GRIPAP1: variants seen among roughly 807,000 people sequenced by gnomAD.
The protein encoded by GRIPAP1 is GRIP1-associated protein 1.
In GRIPAP1, 14 loss-of-function variants were observed where a neutral mutation model predicts 84.1. That is an observed-to-expected ratio of 0.17 (90% CI 0.11 to 0.26). GRIPAP1 has a LOEUF of 0.26. GRIPAP1 is among the 10% of genes least tolerant of loss of function. The pLI is 1.00. For missense variants in GRIPAP1, 518 were observed against 674.2 expected, an observed-to-expected ratio of 0.77 and a Z score of 2.57; for synonymous variants, 261 against 256.8, an observed-to-expected ratio of 1.02 and a Z score of -0.15.
chrX:48,981,029 T>C (rs781922040), intron 21 of GRIPAP1, among the ~76,000 whole-genome samples, 186 bp downstream of exon 21: 5 of 109,846 alleles, frequency 4.6e-5, no homozygotes, highest in South Asian at 7.7e-4. Context: ...GAGAGAAAGA[T>C]AGAAATAAAG....
Position 48,974,247 on chromosome X carries a change from G to C in GRIPAP1, c.2472C>G (p.Ser824Arg). Residue 824 changes from serine (S) to arginine (R), a missense_variant, in exon 26 of 26, where the codon AGC becomes AGG. Ser to Arg is a moderately radical substitution (Grantham distance 110). Around this residue, in one of 5 missense-constraint regions of GRIPAP1, gnomAD observed 30 missense variants for 23.8 expected, o/e 1.26. Coordinates refer to ENST00000376423, the MANE Select transcript of GRIPAP1 (RefSeq NM_020137.5). ...GGTCAGGAGGCCCCACGCACTCCTT[G>C]CTGAGCCGCACAATTTCCTGGGACA... ...EVLSQEIVRL[S>R]KECVGPPDPD... The C allele has an allele frequency of 8.3e-6, 10 of 1,207,930 alleles. No homozygotes were observed. The highest frequency in any genetic ancestry group is 1.1e-5 in the Non-Finnish European group (10 of 892,147).
intron 19 of GRIPAP1, 35 bp from the exon 20 acceptor site, chrX:48,981,507 G>A (rs1298351320): frequency 2.5e-6 from 3 of 1,188,351 alleles, no homozygotes; most frequent in Middle Eastern, 2.3e-4. Flanking sequence ...GGTAGATGCC[G>A]GAAGGGCTGC....
intron 6 of GRIPAP1, 70 bp downstream of exon 6, chrX:48,993,358 G>A (rs924068190): frequency 2.1e-6 from 2 of 966,971 alleles, no homozygotes; most frequent in African/African-American, 4.0e-5. Context: ...CTTCCCCTGA[G>A]AGGATGACGG....
intron 11 of GRIPAP1, chrX:48,988,478 TAAG>T: frequency 3.0e-6 from 1 of 338,096 alleles, no homozygotes; most frequent in East Asian, 4.9e-5. Context: ...CTCCCATCCA[TAAG>T]AAGTCTCATG....
At chrX:49,001,543 G>A (rs1030464284) in intron 1 of GRIPAP1, among the ~76,000 whole-genome samples, 2 of 109,811 alleles carry the variant, frequency 1.8e-5, no homozygotes, top group African/African-American at 6.6e-5. Context: ...CCCAGTTAAT[G>A]GGATTAATGG....
At chrX:48,988,263 ACT>A (rs1157443684) in intron 11 of GRIPAP1, 65 bp from the exon 12 acceptor site, 2 of 812,940 alleles carry the variant, frequency 2.5e-6, no homozygotes, top group South Asian at 2.2e-5. Context: ...AACCGTACAG[ACT>A]CTCTGTTTGA....
rs192116767 is a variant in GRIPAP1, at chrX:48,994,518, C to G, written c.307-940G>C. 8.0e-3 allele frequency among the ~76,000 whole-genome samples: 890 copies of G among 111,597 alleles called. 7 individuals carry two copies. Among genetic ancestry groups the G allele is most frequent in the African/African-American group, 0.027 (828 of 30,696 alleles). ...GGATTACAGGCATGAGCCACCGCAC[C>G]CGGCCTGCTTGCAATATTTTCTACC... On this transcript the variant is annotated intron_variant, in intron 5 of 25. Transcript: ENST00000376423.
Position 48,980,099 on chromosome X carries a change from G to T in GRIPAP1, c.1930+1116C>A, listed in dbSNP as rs781946195. Among the ~76,000 whole-genome samples, 267 of 110,753 alleles carry T rather than the reference G, an allele frequency of 2.4e-3. 1 individual carries two copies. Among genetic ancestry groups the T allele is most frequent in the Non-Finnish European group, 4.3e-3 (229 of 52,906 alleles). Reference sequence around the variant, plus strand: ...GGATCCGTAGGTATCCCGAGTGGGGGAATAAGGGACCAAGTTTTCTCTGAG... The same window carrying T: ...GGATCCGTAGGTATCCCGAGTGGGGTAATAAGGGACCAAGTTTTCTCTGAG... On this transcript the variant is annotated intron_variant, in intron 21 of 25. Coordinates refer to ENST00000376423, the MANE Select transcript of GRIPAP1 (RefSeq NM_020137.5).
chrX:48,974,910 C>T (rs1264914588), intron 25 of GRIPAP1, among the ~76,000 whole-genome samples: 1 of 111,077 alleles, frequency 9.0e-6, no homozygotes, highest in Non-Finnish European at 1.9e-5. Context: ...GACAGATGGG[C>T]AAATGGTTGG....
rs2064459275 is a variant in GRIPAP1, at chrX:48,981,834, G to A, written c.1638C>T (p.Ala546=). ...LQQQQQEQEE[A]LKQCREQHAA... ...CGTGCTGCTCCCGACACTGCTTGAG[G>A]GCTTCCTCTTGTTCCTGCTGCTGCT... is the stretch of plus-strand genomic sequence containing the variant. The change falls in exon 18 of 26, where the codon GCC becomes GCT. Residue 546 remains alanine (A), a synonymous_variant. Transcript: ENST00000376423. 8.5e-7 allele frequency: 1 copy of A among 1,172,296 alleles called. No homozygotes were observed. Among genetic ancestry groups the A allele is most frequent in the Non-Finnish European group, 1.1e-6 (1 of 874,863 alleles).
At position 48,975,925 on chromosome X, in the gene GRIPAP1, C is replaced by CGAGAG. The variant is rs1431965435; in HGVS notation, c.2278+88_2278+92dup. 15 of 732,440 alleles carry CGAGAG rather than the reference C, an allele frequency of 2.0e-5. No individual in the cohort carries two copies. In the African/African-American group the frequency reaches 2.9e-4, roughly 14 times the overall value. The allele number at this position is 732,440 out of a possible 1,213,427, so 60.4% of individuals were successfully genotyped here. A position where few individuals can be genotyped will look rare whatever the true frequency, so the allele number is the denominator to read the frequency against. ...TCTTGTCAGTAGCTTCGCTGAGTTC[C>CGAGAG]GAGAGGAGAGGAGAGAAGCCGCAGC... On this transcript the variant is annotated intron_variant, in intron 24 of 25. Coordinates refer to ENST00000376423, the MANE Select transcript of GRIPAP1 (RefSeq NM_020137.5).
chrX:48,977,442 A>C (rs1557060789), intron 22 of GRIPAP1: 1 of 110,067 alleles, frequency 9.1e-6, no homozygotes, highest in African/African-American at 3.3e-5. Flanking sequence ...CTCTTGCCTC[A>C]ACCTTTCGAG....
At chrX:48,984,549 C>T (rs781934317) in intron 14 of GRIPAP1, among the ~76,000 whole-genome samples, 17 of 109,077 alleles carry the variant, frequency 1.6e-4, no homozygotes, top group Admixed American at 9.9e-4. Flanking sequence ...AACCCCGTCT[C>T]TACTAAAAAT....
At position 48,983,435 on chromosome X, in the gene GRIPAP1, C is replaced by T. The variant is rs150729665; in HGVS notation, c.1278G>A (p.Ala426=). 33 of 1,205,476 alleles carry T rather than the reference C, an allele frequency of 2.7e-5. No homozygotes were observed. The highest frequency in any genetic ancestry group is 2.4e-4 in the African/African-American group (14 of 57,201). ...TQELQEARKS[A]EKRKAMLDEL... ...CATCCAGCATGGCCTTCCGCTTCTC[C>T]GCACTCTGGGGGCCAGGACGATGGC... The change falls in exon 16 of 26, where the codon GCG becomes GCA. Residue 426 remains alanine (A), a synonymous_variant. Transcript: ENST00000376423.
rs11545861 is a variant in GRIPAP1 at position 48,991,085 on chromosome X, T to C, written c.483A>G (p.Glu161=). 0.41 allele frequency: 488,995 copies of C among 1,200,945 alleles called. 72,510 individuals are homozygous for C. The highest frequency in any genetic ancestry group is 0.46 in the Admixed American group (20,906 of 45,622). The change falls in exon 7 of 26, where the codon GAA becomes GAG. Residue 161 remains glutamate (E), a synonymous_variant. Transcript: ENST00000376423. The part of the protein sequence containing the change: ...VAALQERYGK[E]AGKFSAVSEG... ...CACTGACAGCTGAGAACTTCCCGGCTTCTTTCCCATAGCGTTCCTGCAGGG... is the reference window on the plus strand; with the variant it reads ...CACTGACAGCTGAGAACTTCCCGGCCTCTTTCCCATAGCGTTCCTGCAGGG...
At chrX:48,985,449 G>C in intron 13 of GRIPAP1, 47 bp from the exon 14 acceptor site, 2 of 1,148,326 alleles carry the variant, frequency 1.7e-6, no homozygotes, top group Non-Finnish European at 1.2e-6. Context: ...GGGACCCCAG[G>C]GGCCAGGGAC....
chrX:48,999,369 C>A, intron 2 of GRIPAP1, 69 bp downstream of exon 2: 1 of 1,128,442 alleles, frequency 8.9e-7, no homozygotes, highest in Non-Finnish European at 1.2e-6. Flanking sequence ...TCCTGCCAGG[C>A]CTCTGAGGGA....
intron 15 of GRIPAP1, 24 bp downstream of exon 15, chrX:48,983,751 C>A: frequency 1.1e-6 from 1 of 939,715 alleles, no homozygotes. Context: ...CCATCCTCTC[C>A]CTTCAACCCT....
chrX:48,983,508 C>T, intron 15 of GRIPAP1, 68 bp from the exon 16 acceptor site: 1 of 955,069 alleles, frequency 1.0e-6, no homozygotes, highest in Non-Finnish European at 1.5e-6. Flanking sequence ...AACCCTCTTC[C>T]CATGCCCAAG....
Sources: gnomAD v4.1 joint callset for allele counts (sites outside exome capture counted in the v4.1 genomes callset) on GRCh38, gnomAD v4.1.1 for gene constraint, gnomAD v4.1.1 regional missense constraint, MANE v1.5 for transcripts, NCBI Gene and HGNC (gene_info 2026-07-23, HGNC 2026-07-21) for gene names.